RTF1: variants seen among roughly 807,000 people sequenced by gnomAD.
RTF1 encodes RTF1 homolog, Paf1/RNA polymerase II complex component, also known as RNA polymerase-associated protein RTF1 homolog.
RTF1 carries 10 observed loss-of-function variants against 95.7 expected under a neutral mutation model. That is an observed-to-expected ratio of 0.10 (90% CI 0.06 to 0.18). The LOEUF is 0.18. Ranked by LOEUF, RTF1 falls within the 10% of genes least tolerant of loss-of-function variation. The pLI is 1.00. For missense variants in RTF1, 458 were observed against 875.6 expected, an observed-to-expected ratio of 0.52 and a Z score of 6.02; for synonymous variants, 305 against 311.8, an observed-to-expected ratio of 0.98 and a Z score of 0.23.
intron 1 of RTF1, among the ~76,000 whole-genome samples, chr15:41,425,875 G>A (rs1044164371): frequency 2.0e-5 from 3 of 152,140 alleles, no homozygotes; most frequent in African/African-American, 4.8e-5. Flanking sequence ...GCATGAGATG[G>A]GGAGTGCTGG....
intron 13 of RTF1, 58 bp downstream of exon 13, chr15:41,477,344 C>T (rs2050946932): frequency 6.2e-7 from 1 of 1,613,776 alleles, no homozygotes; most frequent in African/African-American, 1.3e-5. Flanking sequence ...TCAGGCAAGC[C>T]TGTGGCCTGT....
chr15:41,458,140 C>T (rs2050828530), intron 4 of RTF1, among the ~76,000 whole-genome samples: 2 of 152,190 alleles, frequency 1.3e-5, no homozygotes, highest in Non-Finnish European at 2.9e-5. Context: ...TTAATCTTCA[C>T]AACTGCTCTG....
chr15:41,439,326 G>A (rs1423872203), intron 2 of RTF1, among the ~76,000 whole-genome samples: 1 of 151,972 alleles, frequency 6.6e-6, no homozygotes, highest in Non-Finnish European at 1.5e-5. Context: ...GAGCCACTGC[G>A]CCCGGACTCT....
chr15:41,476,545 T>G, intron 12 of RTF1, 22 bp downstream of exon 12: 1 of 1,589,178 alleles, frequency 6.3e-7, no homozygotes, highest in Non-Finnish European at 8.6e-7. Flanking sequence ...TACTCGAGCC[T>G]CTTTCCTCAT....
intron 6 of RTF1, among the ~76,000 whole-genome samples, chr15:41,466,948 T>G (rs2050883741): frequency 6.6e-6 from 1 of 152,100 alleles, no homozygotes; most frequent in South Asian, 2.1e-4. Flanking sequence ...CAGATTTGGG[T>G]TTGTTCTGTT....
At chr15:41,474,269 C>A (rs991631101) in intron 8 of RTF1, among the ~76,000 whole-genome samples, 1 of 152,200 alleles carries the variant, frequency 6.6e-6, no homozygotes, top group East Asian at 1.9e-4. Context: ...TCCTGAAATG[C>A]TTGGCAACAG....
intron 8 of RTF1, among the ~76,000 whole-genome samples, chr15:41,473,279 G>A (rs201641076): frequency 1.3e-5 from 2 of 151,698 alleles, no homozygotes; most frequent in South Asian, 2.1e-4. Flanking sequence ...GACTACAGGC[G>A]CCCACCACCA....
intron 1 of RTF1, among the ~76,000 whole-genome samples, chr15:41,420,279 C>T (rs1393118962): frequency 6.6e-6 from 1 of 152,084 alleles, no homozygotes; most frequent in African/African-American, 2.4e-5. Flanking sequence ...ATCAAAATTC[C>T]CTTTCCCTGC....
chr15:41,456,633 C>T (rs2050818617), intron 3 of RTF1, among the ~76,000 whole-genome samples: 1 of 151,720 alleles, frequency 6.6e-6, no homozygotes, highest in Non-Finnish European at 1.5e-5. Context: ...CCCATCTCTG[C>T]TGAAAATATA....
intron 16 of RTF1, among the ~76,000 whole-genome samples, chr15:41,479,905 C>A (rs575843149): frequency 2.0e-4 from 30 of 151,214 alleles, no homozygotes; most frequent in African/African-American, 7.0e-4. Flanking sequence ...CAAGTTAAGT[C>A]TTTTCCTGTT....
Position 41,451,034 on chromosome 15 carries a change from A to G in RTF1, c.310-1867A>G, listed in dbSNP as rs529541017. On this transcript the variant is annotated intron_variant, in intron 2 of 17. Transcript: ENST00000389629. ...CTAGCTGACTGTTGTTCTTAAGAAT[A>G]GCTCATATGGAAAATTTCTAAGTTG... Among the ~76,000 whole-genome samples the G allele has an allele frequency of 5.9e-5, 9 of 152,272 alleles. No individual in the cohort carries two copies. In the East Asian group the frequency reaches 1.5e-3, roughly 26 times the overall value.
chr15:41,460,550 A>G (rs1178903205), intron 4 of RTF1, among the ~76,000 whole-genome samples: 3 of 152,244 alleles, frequency 2.0e-5, no homozygotes, highest in Non-Finnish European at 2.9e-5. Context: ...AAGCATAGTA[A>G]GATGTTGTCG....
intron 3 of RTF1, among the ~76,000 whole-genome samples, chr15:41,455,231 T>C (rs1002133094): frequency 1.3e-5 from 2 of 151,658 alleles, no homozygotes; most frequent in African/African-American, 4.8e-5. Flanking sequence ...GGAGAATCGC[T>C]TGAACCAGGG....
At chr15:41,441,062 C>G (rs1181874781) in intron 2 of RTF1, among the ~76,000 whole-genome samples, 1 of 149,728 alleles carries the variant, frequency 6.7e-6, no homozygotes, top group Non-Finnish European at 1.5e-5. Flanking sequence ...AGCTCCGCCT[C>G]CTGGGCTCAC....
At chr15:41,454,874 A>T (rs1471853578) in intron 3 of RTF1, among the ~76,000 whole-genome samples, 2 of 152,228 alleles carry the variant, frequency 1.3e-5, no homozygotes, top group East Asian at 3.8e-4. Context: ...TGCACTAGCC[A>T]CATTTGAGTT....
intron 1 of RTF1, among the ~76,000 whole-genome samples, chr15:41,425,081 G>A (rs183731293): frequency 3.9e-4 from 59 of 152,062 alleles, no homozygotes; most frequent in Non-Finnish European, 7.4e-4. Flanking sequence ...GACTGCAAGT[G>A]TGTGCCACCA....
chr15:41,437,977 C>T (rs1379549635), intron 1 of RTF1, among the ~76,000 whole-genome samples: 4 of 152,168 alleles, frequency 2.6e-5, no homozygotes, highest in Admixed American at 6.6e-5. Flanking sequence ...GACTAGGTTA[C>T]CTTTGTAAAC....
chr15:41,424,409 G>C (rs1367168896), intron 1 of RTF1, among the ~76,000 whole-genome samples: 1 of 152,078 alleles, frequency 6.6e-6, no homozygotes, highest in African/African-American at 2.4e-5. Context: ...AAATGAGACA[G>C]GAAGGACCTC....
rs371414608 is a variant in RTF1, at chr15:41,438,484, G to A, written c.309+53G>A. 5 of 1,189,622 alleles carry A rather than the reference G, an allele frequency of 4.2e-6. No homozygotes were observed. In the Admixed American group the frequency reaches 9.1e-5, roughly 22 times the overall value. 73.7% of individuals were successfully genotyped at this position (1,189,622 alleles called of 1,614,324 possible). On this transcript the variant is annotated intron_variant, in intron 2 of 17. Transcript: ENST00000389629. ...GACCATTAGATAGTTGAGGCTCCTC[G>A]CTTTGGTGGCTCCTGTTGGCCTCAT... is the stretch of plus-strand genomic sequence containing the variant.
Sources: gnomAD v4.1 joint callset for allele counts (sites outside exome capture counted in the v4.1 genomes callset) on GRCh38, gnomAD v4.1.1 for gene constraint, MANE v1.5 for transcripts, NCBI Gene and HGNC (gene_info 2026-07-23, HGNC 2026-07-21) for gene names.